LAMC3: variants seen among roughly 807,000 people sequenced by gnomAD.
LAMC3 encodes the protein laminin subunit gamma 3.
Under a neutral mutation model 173.8 loss-of-function variants are expected in LAMC3, and 128 were observed. The observed-to-expected ratio is 0.74, with a 90% CI of 0.64 to 0.85. The LOEUF is 0.85. Ranked by LOEUF, LAMC3 falls within the 40% of genes least tolerant of loss-of-function variation. The pLI is 0.00. For synonymous variants in LAMC3, 897 were observed against 909.1 expected (o/e 0.99, Z 0.24); for missense variants, 2,022 against 2,156.0 (o/e 0.94, Z 1.23).
At chr9:131,062,073 A>G (rs554647654) in intron 13 of LAMC3, among the ~76,000 whole-genome samples, 9 of 151,696 alleles carry the variant, frequency 5.9e-5, no homozygotes, top group African/African-American at 2.2e-4. Flanking sequence ...TTTTTTAAAT[A>G]AAGTACAGGC....
In LAMC3 at chr9:131,009,433, T is replaced by G. The variant is rs3739512; in HGVS notation, c.219T>G (p.His73Gln). ...TGGGCGCCGCGGGCGCGGGGGCTCATTGCCAGCGCTGCGACGCCGCCGACC... is the reference window on the plus strand; with the variant it reads ...TGGGCGCCGCGGGCGCGGGGGCTCAGTGCCAGCGCTGCGACGCCGCCGACC... ...PHVGAAGAGA[H>Q]CQRCDAADPQ... The change falls in exon 1 of 28, where the codon CAT becomes CAG. Residue 73 changes from histidine to glutamine, a missense_variant. His to Gln is a conservative substitution (Grantham distance 24). Transcript: ENST00000361069. The surrounding 1 kb of genome is among the most constrained non-coding windows in gnomAD (Gnocchi z 4.3). The G allele has an allele frequency of 0.46, 714,684 of 1,544,138 alleles. 173,671 individuals are homozygous for G. The highest frequency in any genetic ancestry group is 0.84 in the East Asian group (34,084 of 40,768).
Position 131,041,711 on chromosome 9 carries a change from A to G in LAMC3, c.1358A>G (p.Asn453Ser), listed in dbSNP as rs781155842. Residue 453 changes from asparagine (N) to serine (S), a missense_variant, in exon 7 of 28, where the codon AAT (asparagine) becomes AGT (serine). Physicochemically the swap from Asn to Ser is conservative, Grantham distance 46 (BLOSUM62 1). Transcript: ENST00000361069. Reference sequence around the variant, plus strand: ...AGTGGGCGCTGCCCCTGCAAAGAGAATGTGGAAGGCAACCTATGTGACAGG... The same window carrying G: ...AGTGGGCGCTGCCCCTGCAAAGAGAGTGTGGAAGGCAACCTATGTGACAGG... ...PRSGRCPCKE[N>S]VEGNLCDRCR... 6.2e-7 allele frequency: 1 copy of G among 1,613,906 alleles called. No homozygotes were observed. The highest frequency in any genetic ancestry group is 8.5e-7 in the Non-Finnish European group (1 of 1,180,008).
chr9:131,014,818 A>G (rs886216155), intron 1 of LAMC3, among the ~76,000 whole-genome samples: 4 of 152,120 alleles, frequency 2.6e-5, no homozygotes, highest in Admixed American at 1.3e-4. Flanking sequence ...CAAAAATAAA[A>G]ATAGAAATGA....
At chr9:131,056,092 C>A (rs911903878) in intron 11 of LAMC3, among the ~76,000 whole-genome samples, 1 of 151,930 alleles carries the variant, frequency 6.6e-6, no homozygotes, top group African/African-American at 2.4e-5. Flanking sequence ...GCTACTTGAG[C>A]GGCTGAGGCA....
intron 20 of LAMC3, among the ~76,000 whole-genome samples, chr9:131,073,944 C>CTTTTTTTTTTTTTTTTTTTTTTTTTTT: frequency 1.1e-5 from 1 of 90,826 alleles, no homozygotes; most frequent in Non-Finnish European, 2.1e-5. Flanking sequence ...CTTTTCTTTT[C>CTTTTTTTTTTTTTTTTTTTTTTTTTTT]TTTTTTTTTT....
chr9:131,061,273 G>A (rs1350485964), intron 13 of LAMC3, 50 bp downstream of exon 13: 3 of 1,498,302 alleles, frequency 2.0e-6, no homozygotes, highest in Non-Finnish European at 1.8e-6. Flanking sequence ...CCAAGCCCCG[G>A]CACTGTGACT....
intron 23 of LAMC3, 103 bp downstream of exon 23, chr9:131,079,401 G>T: frequency 2.1e-6 from 3 of 1,418,812 alleles, no homozygotes; most frequent in South Asian, 1.2e-5. Context: ...AGAGACAGAA[G>T]TAGCTCTGTC....
chr9:131,009,547 C>T lies in LAMC3; in HGVS notation c.333C>T (p.Gly111=). ...TWWQSPSMAF[G]VQYPTSVNIT... is the part of the protein sequence containing the mutation. The stretch of plus-strand genomic sequence containing the variant: ...GGCAGAGCCCGTCCATGGCCTTCGG[C>T]GTGCAGTACCCCACCTCGGTCAACA... The change falls in exon 1 of 28, where the codon GGC becomes GGT. Residue 111 remains glycine, a synonymous_variant. Transcript: ENST00000361069. The surrounding 1 kb of genome is among the most constrained non-coding windows in gnomAD (Gnocchi z 4.3). The T allele has an allele frequency of 1.3e-6, 2 of 1,568,176 alleles. No homozygotes were observed. Among genetic ancestry groups the T allele is most frequent in the Non-Finnish European group, 1.7e-6 (2 of 1,157,192 alleles).
Position 131,085,656 on chromosome 9 carries a change from C to T in LAMC3, c.4163C>T (p.Ala1388Val). ...GCGGAGAGGATGCTGGGAAACGCGG[C>T]CCCTCTTTCCTCCAGTGCCAAGAAG... is the stretch of plus-strand genomic sequence containing the variant. ...KQAERMLGNA[A>V]PLSSSAKKKG... Residue 1388 changes from alanine (A) to valine (V), a missense_variant, in exon 25 of 28, where the codon GCC (alanine) becomes GTC (valine). Transcript: ENST00000361069. 1 of 1,614,178 alleles carries T rather than the reference C, an allele frequency of 6.2e-7. No homozygotes were observed. The highest frequency in any genetic ancestry group is 8.5e-7 in the Non-Finnish European group (1 of 1,180,040).
chr9:131,052,651 C>T lies in LAMC3; in HGVS notation c.1791C>T (p.Ala597=), dbSNP rs771902055. The change falls in exon 10 of 28, where the codon GCC becomes GCT. Residue 597 remains alanine, a synonymous_variant. Coordinates refer to ENST00000361069, the MANE Select transcript of LAMC3 (RefSeq NM_006059.4). Reference sequence around the variant, plus strand: ...CTAGCCTGTCTGGCCCCCAGGATGCCGGGCATCCCAGGGAGGTAGAGCTCA... The same window carrying T: ...CTAGCCTGTCTGGCCCCCAGGATGCTGGGCATCCCAGGGAGGTAGAGCTCA... The part of the protein sequence containing the change: ...RHSSLSGPQD[A]GHPREVELRF... 49 of 1,613,714 alleles carry T rather than the reference C, an allele frequency of 3.0e-5. No individual in the cohort carries two copies. The highest frequency in any genetic ancestry group is 3.7e-5 in the Non-Finnish European group (44 of 1,179,930).
chr9:131,046,516 G>GTC (rs1443313320), intron 8 of LAMC3, among the ~76,000 whole-genome samples: 1 of 38,754 alleles, frequency 2.6e-5, no homozygotes, highest in Non-Finnish European at 5.5e-5. Flanking sequence ...GCTAATTTTT[G>GTC]TATTTTTTTT....
Position 131,091,538 on chromosome 9 carries a change from G to T in LAMC3, c.4479G>T (p.Gly1493=). 6.3e-7 allele frequency: 1 copy of T among 1,578,592 alleles called. No individual in the cohort carries two copies. The highest frequency in any genetic ancestry group is 8.6e-7 in the Non-Finnish European group (1 of 1,163,142). ...GAGGCTGTTTGTGCCCCACCACAGG[G>T]TCGCTGGACACCCATCAAGCCCCAG... ...ETLSELLARL[G]SLDTHQAPAQ... is the part of the protein sequence containing the mutation. Residue 1493 remains glycine (G), a splice_region_variant and synonymous_variant, in exon 28 of 28, where the codon GGG becomes GGT. Coordinates refer to ENST00000361069, the MANE Select transcript of LAMC3 (RefSeq NM_006059.4).
rs755303669 is a variant in LAMC3, at chr9:131,026,328, C to G, written c.417C>G (p.Thr139=). The G allele has an allele frequency of 8.1e-6, 13 of 1,614,184 alleles. No individual in the cohort carries two copies. The East Asian group carries it at 2.2e-4, about 28-fold the overall frequency. ...CGTATGTGAGGCTGAAGTTCCACAC[C>G]AGTCGCCCTGAGAGCTTTGCCATCT... The part of the protein sequence containing the change: ...EITYVRLKFH[T]SRPESFAIYK... Residue 139 remains threonine, a synonymous_variant, in exon 2 of 28, where the codon ACC becomes ACG. Coordinates refer to ENST00000361069, the MANE Select transcript of LAMC3 (RefSeq NM_006059.4). The surrounding 1 kb of genome is among the most constrained non-coding windows in gnomAD (Gnocchi z 4.8).
At chr9:131,044,112 C>A (rs1313383303) in intron 7 of LAMC3, among the ~76,000 whole-genome samples, 1 of 151,892 alleles carries the variant, frequency 6.6e-6, no homozygotes, top group African/African-American at 2.4e-5. Context: ...GCACCCACCA[C>A]CACGCCTGGC....
At chr9:131,054,997 A>G (rs1314470627) in intron 11 of LAMC3, among the ~76,000 whole-genome samples, 1 of 152,068 alleles carries the variant, frequency 6.6e-6, no homozygotes, top group Non-Finnish European at 1.5e-5. Context: ...ATTCTGTGGT[A>G]TGGGTGCTCT....
chr9:131,041,171 A>G (rs958927680), intron 6 of LAMC3, among the ~76,000 whole-genome samples: 1 of 152,160 alleles, frequency 6.6e-6, no homozygotes, highest in African/African-American at 2.4e-5. Context: ...GTTAAAGACC[A>G]GTCTAGCCAA....
In LAMC3 at chr9:131,026,603, G is replaced by C; in HGVS notation, c.678+14G>C. On this transcript the variant is annotated intron_variant, in intron 2 of 27. Coordinates refer to ENST00000361069, the MANE Select transcript of LAMC3 (RefSeq NM_006059.4). This position sits in a 1 kb window ranked among gnomAD's most constrained non-coding sequence, Gnocchi z 4.8. The stretch of plus-strand genomic sequence containing the variant: ...CCTGGGCTGCAGGTCAGGGAGGAGC[G>C]GGGCTTCGGAGGTTGGGACGGGGTT... 1 of 1,562,984 alleles carries C rather than the reference G, an allele frequency of 6.4e-7. No homozygotes were observed. Among genetic ancestry groups the C allele is most frequent in the Non-Finnish European group, 8.7e-7 (1 of 1,154,548 alleles).
At chr9:131,047,941 G>T (rs1018380560) in intron 8 of LAMC3, among the ~76,000 whole-genome samples, 28 of 151,230 alleles carry the variant, frequency 1.9e-4, no homozygotes, top group Non-Finnish European at 3.1e-4. Context: ...CAGAGACGGG[G>T]TTTGCCATGT....
At chr9:131,080,073 A>G (rs1330923002) in intron 23 of LAMC3, among the ~76,000 whole-genome samples, 2 of 151,886 alleles carry the variant, frequency 1.3e-5, no homozygotes. Context: ...CCCGGGTTCA[A>G]GTGATTCTCC....
Sources: gnomAD v4.1 joint callset for allele counts (sites outside exome capture counted in the v4.1 genomes callset) on GRCh38, gnomAD v4.1.1 for gene constraint, Gnocchi (gnomAD v3.1) non-coding constraint, MANE v1.5 for transcripts, NCBI Gene and HGNC (gene_info 2026-07-23, HGNC 2026-07-21) for gene names.